GLIS3: variants seen among roughly 807,000 people sequenced by gnomAD.
GLIS3 encodes the protein GLIS family zinc finger 3.
Under a neutral mutation model 78.6 loss-of-function variants are expected in GLIS3, and 53 were observed. The observed-to-expected ratio is 0.67, with a 90% CI of 0.54 to 0.85. GLIS3 has a LOEUF of 0.85. Ranked by LOEUF, GLIS3 falls within the 40% of genes least tolerant of loss-of-function variation. GLIS3 has a pLI of 0.00. For synonymous variants in GLIS3, 684 were observed against 509.9 expected (o/e 1.34, Z -4.60); for missense variants, 1,703 against 1,231.1 (o/e 1.38, Z -5.74).
At chr9:4,108,448 T>A (rs1040015479) in intron 4 of GLIS3, among the ~76,000 whole-genome samples, 2 of 152,154 alleles carry the variant, frequency 1.3e-5, no homozygotes, top group African/African-American at 2.4e-5. Flanking sequence ...ACAAATGAGA[T>A]GAAAGACAGA....
intron 4 of GLIS3, among the ~76,000 whole-genome samples, chr9:3,981,415 T>G (rs112064128): frequency 0.01 from 1,536 of 152,224 alleles, 24 homozygotes; most frequent in African/African-American, 0.035. Flanking sequence ...GGGAGAACTG[T>G]CTAATTCAAA....
rs78394772 is a variant in GLIS3 at position 4,171,122 on chromosome 9, C to T, written c.389-45181G>A. On this transcript the variant is annotated intron_variant, in intron 2 of 10. Coordinates refer to ENST00000381971, the MANE Select transcript of GLIS3 (RefSeq NM_001042413.2). ...TGTAAGTCATATTTAGAATACCAGACATTCACTTCTGAAATATTATCAGTT... is the reference window on the plus strand; with the variant it reads ...TGTAAGTCATATTTAGAATACCAGATATTCACTTCTGAAATATTATCAGTT... Among the ~76,000 whole-genome samples, 511 of 152,258 alleles carry T rather than the reference C, an allele frequency of 3.4e-3. 4 individuals carry two copies. Among genetic ancestry groups the T allele is most frequent in the African/African-American group, 0.012 (484 of 41,546 alleles).
chr9:3,987,709 G>A (rs1332832092), intron 4 of GLIS3, among the ~76,000 whole-genome samples: 7 of 43,040 alleles, frequency 1.6e-4, no homozygotes, highest in East Asian at 1.5e-3. Context: ...AAAAAAAAAA[G>A]AAAAAGAAAA....
At chr9:4,253,097 C>G (rs1055321979) in intron 2 of GLIS3, among the ~76,000 whole-genome samples, 1 of 152,224 alleles carries the variant, frequency 6.6e-6, no homozygotes, top group Non-Finnish European at 1.5e-5. Context: ...GGGTCAGGGA[C>G]CCACTGGAGG....
chr9:3,951,055 A>C (rs1479259768), intron 4 of GLIS3, among the ~76,000 whole-genome samples: 4 of 152,232 alleles, frequency 2.6e-5, no homozygotes, highest in African/African-American at 7.2e-5. Context: ...TATAATTTCT[A>C]AGTTCTACAT....
Position 4,028,186 on chromosome 9 carries a change from T to C in GLIS3, c.1710+89582A>G, listed in dbSNP as rs534651909. ...GGTCCATTCCTGACTCCAATGCACA[T>C]ATAGGAGCCTACGTATCTTAAATTT... On this transcript the variant is annotated intron_variant, in intron 4 of 10. Transcript: ENST00000381971. 2.0e-5 allele frequency among the ~76,000 whole-genome samples: 3 copies of C among 152,276 alleles called. No individual in the cohort carries two copies. The South Asian group carries it at 6.2e-4, about 32-fold the overall frequency.
Position 3,970,876 on chromosome 9 carries a change from A to G in GLIS3, c.1711-33687T>C, listed in dbSNP as rs7027384. 5.0e-3 allele frequency among the ~76,000 whole-genome samples: 764 copies of G among 152,254 alleles called. 5 individuals are homozygous for G. Among genetic ancestry groups the G allele is most frequent in the African/African-American group, 0.018 (743 of 41,546 alleles). On this transcript the variant is annotated intron_variant, in intron 4 of 10. Coordinates refer to ENST00000381971, the MANE Select transcript of GLIS3 (RefSeq NM_001042413.2). ...AGTTCAAAGCAGGTTCAGAGGCACAACATTGGCTGTATTTGCCCTGCTATA... is the reference window on the plus strand; with the variant it reads ...AGTTCAAAGCAGGTTCAGAGGCACAGCATTGGCTGTATTTGCCCTGCTATA...
At chr9:4,270,932 T>C (rs1826453430) in intron 2 of GLIS3, among the ~76,000 whole-genome samples, 1 of 84,884 alleles carries the variant, frequency 1.2e-5, no homozygotes, top group African/African-American at 3.8e-5. Flanking sequence ...TGTGTGTGTG[T>C]GTATACACAA....
intron 4 of GLIS3, among the ~76,000 whole-genome samples, chr9:4,096,080 G>A (rs1829921564): frequency 1.4e-5 from 2 of 147,002 alleles, no homozygotes; most frequent in Admixed American, 6.8e-5. Context: ...ACAAAGAAGA[G>A]AGATATATTT....
chr9:4,025,712 G>A (rs1459882186), intron 4 of GLIS3, among the ~76,000 whole-genome samples: 2 of 152,166 alleles, frequency 1.3e-5, no homozygotes, highest in African/African-American at 2.4e-5. Flanking sequence ...TCACATGATA[G>A]AATTAATCAT....
At chr9:4,348,773 G>GA (rs200302432), upstream of GLIS3, among the ~76,000 whole-genome samples, 1,797 of 147,120 alleles carry the variant, frequency 0.012, 36 homozygotes, top group African/African-American at 0.04. Flanking sequence ...GCTCCTAAGT[G>GA]AAAAAAAAAC....
chr9:4,075,958 A>G (rs1828015707), intron 4 of GLIS3, among the ~76,000 whole-genome samples: 1 of 152,212 alleles, frequency 6.6e-6, no homozygotes, highest in Non-Finnish European at 1.5e-5. Context: ...CCCAGAGCCA[A>G]CAGAAGGATT....
At chr9:4,041,865 T>C (rs1403215504) in intron 4 of GLIS3, among the ~76,000 whole-genome samples, 1 of 152,198 alleles carries the variant, frequency 6.6e-6, no homozygotes, top group African/African-American at 2.4e-5. Context: ...TCTGACAGTC[T>C]TAGTGATTAT....
chr9:4,444,021 T>G, the GLIS3 span, among the ~76,000 whole-genome samples: 2 of 152,184 alleles, frequency 1.3e-5, no homozygotes, highest in African/African-American at 4.8e-5. Flanking sequence ...TGTTGATGAT[T>G]CATCATAGAT....
chr9:4,123,548 AATTTT>A, intron 3 of GLIS3: 1 of 267,302 alleles, frequency 3.7e-6, no homozygotes, highest in Non-Finnish European at 6.9e-6. Context: ...TTAAAATTAT[AATTTT>A]ATTTATACAC....
intron 8 of GLIS3, among the ~76,000 whole-genome samples, chr9:3,870,534 C>T (rs766470691): frequency 3.3e-5 from 5 of 152,166 alleles, no homozygotes; most frequent in African/African-American, 4.8e-5. Context: ...GGAAGCCTCA[C>T]AATCATGGCA....
At chr9:3,855,515 G>GC (rs1378932073) in intron 9 of GLIS3, 2 of 187,862 alleles carry the variant, frequency 1.1e-5, no homozygotes, top group Non-Finnish European at 2.2e-5. Flanking sequence ...AGAAAGACAG[G>GC]CGATATAAAA....
chr9:4,122,438 C>T (rs2130899777), intron 3 of GLIS3, among the ~76,000 whole-genome samples: 1 of 152,260 alleles, frequency 6.6e-6, no homozygotes, highest in Admixed American at 6.5e-5. Context: ...GCATCCTCAA[C>T]CCCCTTAGCC....
At position 3,926,233 on chromosome 9, in the gene GLIS3, G is replaced by T. The variant is rs368109986; in HGVS notation, c.1983+6127C>A. ...CGACTAAAGCAATGCTTTTTCTTTT[G>T]TTTTTTTTTTTTTCTTTGACGGAGT... is the stretch of plus-strand genomic sequence containing the variant. On this transcript the variant is annotated intron_variant, in intron 6 of 10. Transcript: ENST00000381971. Among the ~76,000 whole-genome samples, 127 of 135,110 alleles carry T rather than the reference G, an allele frequency of 9.4e-4. 1 individual carries two copies. In the Middle Eastern group the frequency reaches 0.02, roughly 22 times the overall value. 88.6% of individuals were successfully genotyped at this position (135,110 alleles called of 152,430 possible). A position where few individuals can be genotyped will look rare whatever the true frequency, so the allele number is the denominator to read the frequency against.
Sources: gnomAD v4.1 joint callset for allele counts (sites outside exome capture counted in the v4.1 genomes callset) on GRCh38, gnomAD v4.1.1 for gene constraint, MANE v1.5 for transcripts, NCBI Gene and HGNC (gene_info 2026-07-23, HGNC 2026-07-21) for gene names.